TTC29: variants seen among roughly 807,000 people sequenced by gnomAD.
The protein encoded by TTC29 is tetratricopeptide repeat protein 29.
TTC29 carries 49 observed loss-of-function variants against 58.1 expected under a neutral mutation model. The ratio of observed to expected loss-of-function variants is 0.84; its 90% confidence interval spans 0.67 to 1.07. The LOEUF (loss-of-function observed/expected upper bound fraction) is 1.07, where lower values mean the gene tolerates loss of function less well. TTC29 is among the 50% of genes least tolerant of loss of function. TTC29 has a pLI of 0.00. For missense variants in TTC29, 582 were observed against 555.6 expected, an observed-to-expected ratio of 1.05 and a Z score of -0.48; for synonymous variants, 209 against 196.8, an observed-to-expected ratio of 1.06 and a Z score of -0.52.
At chr4:146,754,297 G>T (rs1215971752) in intron 11 of TTC29, among the ~76,000 whole-genome samples, 1 of 151,860 alleles carries the variant, frequency 6.6e-6, no homozygotes, top group Non-Finnish European at 1.5e-5. Flanking sequence ...GAACTAGAAA[G>T]CCTGAACAGA....
At chr4:146,819,914 A>G (rs981176644) in intron 10 of TTC29, among the ~76,000 whole-genome samples, 39 of 152,292 alleles carry the variant, frequency 2.6e-4, no homozygotes, top group South Asian at 1.2e-3. Context: ...CTGTCCCCGC[A>G]TGGCCCTAAG....
At chr4:146,924,790 T>C (rs1044183139) in intron 4 of TTC29, among the ~76,000 whole-genome samples, 1 of 151,986 alleles carries the variant, frequency 6.6e-6, no homozygotes, top group African/African-American at 2.4e-5. Context: ...TTTTTGAAAA[T>C]GAAAACTTAG....
intron 8 of TTC29, among the ~76,000 whole-genome samples, chr4:146,844,483 G>A (rs1317500900): frequency 6.6e-6 from 1 of 152,138 alleles, no homozygotes; most frequent in Non-Finnish European, 1.5e-5. Context: ...ATCACAGTGT[G>A]AGTTATATTT....
At chr4:146,926,120 A>G (rs1305965426) in intron 4 of TTC29, among the ~76,000 whole-genome samples, 1 of 152,224 alleles carries the variant, frequency 6.6e-6, no homozygotes, top group African/African-American at 2.4e-5. Context: ...AAGAAAACTT[A>G]ACGAGGATAT....
At chr4:146,890,496 A>C (rs552979765) in intron 6 of TTC29, among the ~76,000 whole-genome samples, 134 of 152,296 alleles carry the variant, frequency 8.8e-4, no homozygotes, top group African/African-American at 3.2e-3. Flanking sequence ...AGAGATAACT[A>C]GAATCACAGA....
chr4:146,938,297 T>C (rs1348938745), intron 3 of TTC29, among the ~76,000 whole-genome samples: 1 of 152,166 alleles, frequency 6.6e-6, no homozygotes, highest in African/African-American at 2.4e-5. Context: ...ATGATTGATA[T>C]GGAACTAAAC....
chr4:146,764,510 G>A (rs1747142831), intron 11 of TTC29, among the ~76,000 whole-genome samples: 1 of 151,556 alleles, frequency 6.6e-6, no homozygotes, highest in Non-Finnish European at 1.5e-5. Flanking sequence ...TGGTTAATTG[G>A]TTTATAAGTA....
At chr4:146,715,445 A>G (rs1255331293) in intron 11 of TTC29, among the ~76,000 whole-genome samples, 1 of 152,168 alleles carries the variant, frequency 6.6e-6, no homozygotes, top group Non-Finnish European at 1.5e-5. Flanking sequence ...ACAGAATGCA[A>G]TCCTGTCATT....
At chr4:146,931,591 T>G (rs1735340014) in intron 4 of TTC29, among the ~76,000 whole-genome samples, 1 of 152,166 alleles carries the variant, frequency 6.6e-6, no homozygotes, top group Non-Finnish European at 1.5e-5. Context: ...AAAGCCAAGT[T>G]TTCAACCACA....
intron 8 of TTC29, among the ~76,000 whole-genome samples, chr4:146,861,478 T>G (rs1301285976): frequency 6.6e-6 from 1 of 152,170 alleles, no homozygotes; most frequent in African/African-American, 2.4e-5. Flanking sequence ...TAACTATTTT[T>G]TCTCTTTACC....
rs189654402 is a variant in TTC29, at chr4:146,760,301, C to T, written c.1330+43156G>A. On this transcript the variant is annotated intron_variant, in intron 11 of 12. Transcript: ENST00000325106. The stretch of plus-strand genomic sequence containing the variant: ...AGAAATCATAGATGATACAAACAAA[C>T]GGAAACACATCCCATGCTCATGGAC... 1.0e-3 allele frequency among the ~76,000 whole-genome samples: 158 copies of T among 151,908 alleles called. 7 individuals carry two copies. The East Asian group carries it at 0.024, about 23-fold the overall frequency.
intron 4 of TTC29, among the ~76,000 whole-genome samples, chr4:146,912,469 C>A (rs1463626380): frequency 6.6e-6 from 1 of 152,136 alleles, no homozygotes; most frequent in East Asian, 1.9e-4. Context: ...TCCCCTGAAG[C>A]CCCGAGTAGT....
intron 11 of TTC29, among the ~76,000 whole-genome samples, chr4:146,729,319 GA>G (rs1412369139): frequency 7.2e-5 from 11 of 152,044 alleles, no homozygotes; most frequent in Admixed American, 7.2e-4. Context: ...CATTAAAGTT[GA>G]CTTTTCATTT....
intron 6 of TTC29, among the ~76,000 whole-genome samples, chr4:146,900,332 A>G (rs1366043924): frequency 6.6e-6 from 1 of 152,206 alleles, no homozygotes; most frequent in African/African-American, 2.4e-5. Context: ...ATGATCTCAA[A>G]AGCAAAAGCC....
chr4:146,796,157 TGG>T (rs1749820761), intron 11 of TTC29, among the ~76,000 whole-genome samples: 1 of 152,076 alleles, frequency 6.6e-6, no homozygotes, highest in Non-Finnish European at 1.5e-5. Flanking sequence ...AAGTTAAAAC[TGG>T]TAACACCACC....
intron 8 of TTC29, among the ~76,000 whole-genome samples, chr4:146,864,542 T>C (rs1404052419): frequency 6.6e-6 from 1 of 152,204 alleles, no homozygotes; most frequent in Non-Finnish European, 1.5e-5. Flanking sequence ...ACAAACTAAA[T>C]GACTTAAAAT....
At chr4:146,772,493 T>C (rs951526294) in intron 11 of TTC29, among the ~76,000 whole-genome samples, 1 of 152,178 alleles carries the variant, frequency 6.6e-6, no homozygotes, top group Non-Finnish European at 1.5e-5. Context: ...CAGGGAATTC[T>C]GTCCACATTG....
At chr4:146,781,206 T>C (rs1481557945) in intron 11 of TTC29, among the ~76,000 whole-genome samples, 1 of 151,978 alleles carries the variant, frequency 6.6e-6, no homozygotes, top group East Asian at 1.9e-4. Flanking sequence ...CAATAAAATC[T>C]ATAATGATAC....
intron 7 of TTC29, among the ~76,000 whole-genome samples, chr4:146,873,152 A>T (rs1312993648): frequency 6.6e-6 from 1 of 152,132 alleles, no homozygotes; most frequent in Non-Finnish European, 1.5e-5. Flanking sequence ...GTATCGCTTA[A>T]ATACCATGTA....
Sources: allele counts gnomAD v4.1 joint callset (sites outside exome capture counted in the v4.1 genomes callset), GRCh38; gene constraint gnomAD v4.1.1; transcripts MANE v1.5; gene names NCBI Gene and HGNC (gene_info 2026-07-23, HGNC 2026-07-21).